Variants in TMEM232 observed in about 807,000 individuals in gnomAD.
The protein encoded by TMEM232 is transmembrane protein 232.
A neutral mutation model predicts 78.8 loss-of-function variants in TMEM232; 80 were observed. That is an observed-to-expected ratio of 1.01 (90% CI 0.85 to 1.22). The LOEUF is 1.22. TMEM232 is among the 50% of genes most tolerant of loss of function. The pLI is 0.00. For synonymous variants in TMEM232, 297 were observed against 254.3 expected (o/e 1.17, Z -1.60); for missense variants, 881 against 742.2 (o/e 1.19, Z -2.17).
At chr5:110,688,373 G>A (rs1249554033) in intron 1 of TMEM232, among the ~76,000 whole-genome samples, 1 of 152,160 alleles carries the variant, frequency 6.6e-6, no homozygotes, top group Admixed American at 6.5e-5. Context: ...GACAGTAAGT[G>A]TCATATGGGG....
intron 12 of TMEM232, among the ~76,000 whole-genome samples, chr5:110,461,654 G>A (rs1339048669): frequency 1.3e-5 from 2 of 152,146 alleles, no homozygotes; most frequent in African/African-American, 4.8e-5. Context: ...GTCAATGCTT[G>A]GCTTCAAAGT....
chr5:110,584,751 T>C (rs1229209509), intron 10 of TMEM232, among the ~76,000 whole-genome samples: 1 of 152,116 alleles, frequency 6.6e-6, no homozygotes, highest in African/African-American at 2.4e-5. Context: ...TTCTGAAGCA[T>C]GCTGAAGGAT....
chr5:110,391,523 A>C (rs1468744630), intron 3 of TMEM232, among the ~76,000 whole-genome samples: 1 of 152,168 alleles, frequency 6.6e-6, no homozygotes, highest in Non-Finnish European at 1.5e-5. Flanking sequence ...CAAATAATAT[A>C]AAGGGAATAG....
At chr5:110,563,910 G>T (rs573613637) in intron 11 of TMEM232, among the ~76,000 whole-genome samples, 1 of 152,032 alleles carries the variant, frequency 6.6e-6, no homozygotes, top group South Asian at 2.1e-4. Flanking sequence ...AAAATAACTG[G>T]AGAAAATGAT....
chr5:110,602,443 T>C (rs532068467), intron 10 of TMEM232, among the ~76,000 whole-genome samples: 89 of 151,450 alleles, frequency 5.9e-4, no homozygotes, highest in African/African-American at 2.9e-4. Context: ...CTGGAACAAA[T>C]TTACAAGAAA....
At chr5:110,535,697 G>T (rs1011556734) in intron 11 of TMEM232, among the ~76,000 whole-genome samples, 2 of 152,028 alleles carry the variant, frequency 1.3e-5, no homozygotes, top group African/African-American at 4.8e-5. Flanking sequence ...AATTACTAAG[G>T]GAGTTATGAA....
chr5:110,674,076 GC>G (rs1230883154), intron 1 of TMEM232, among the ~76,000 whole-genome samples: 11 of 150,244 alleles, frequency 7.3e-5, no homozygotes. Context: ...GAAAATGTAA[GC>G]ATTTAATTTT....
intron 3 of TMEM232, among the ~76,000 whole-genome samples, chr5:110,393,958 CA>C (rs201803686): frequency 0.037 from 2,246 of 60,758 alleles, 21 homozygotes; most frequent in African/African-American, 0.058. Context: ...AACTTCATCT[CA>C]AAAAAAAAAA....
chr5:110,509,069 T>C (rs1767374126), intron 12 of TMEM232, among the ~76,000 whole-genome samples: 1 of 147,216 alleles, frequency 6.8e-6, no homozygotes, highest in African/African-American at 2.5e-5. Context: ...TATATAATTA[T>C]ATATATTTTG....
chr5:110,696,040 T>A lies in TMEM232; in HGVS notation c.-12-28676A>T, dbSNP rs193271136. On this transcript the variant is annotated intron_variant, in intron 1 of 13. Coordinates refer to ENST00000455884, the MANE Select transcript of TMEM232 (RefSeq NM_001039763.4). ...GACCAATATTCCTGATGAACATTGA[T>A]GCAAAAATCCTCAATAAAATACTGG... Among the ~76,000 whole-genome samples the A allele has an allele frequency of 1.5e-4, 23 of 152,268 alleles. No homozygotes were observed. In the East Asian group the frequency reaches 4.2e-3, roughly 28 times the overall value.
At chr5:110,537,901 T>G (rs1336643146) in intron 11 of TMEM232, among the ~76,000 whole-genome samples, 1 of 152,226 alleles carries the variant, frequency 6.6e-6, no homozygotes. Flanking sequence ...AGCAACCTGT[T>G]GCACCCCCTT....
intron 11 of TMEM232, among the ~76,000 whole-genome samples, chr5:110,540,068 A>G (rs1234149936): frequency 6.6e-6 from 1 of 152,180 alleles, no homozygotes; most frequent in Non-Finnish European, 1.5e-5. Context: ...AATGAGAGAA[A>G]CCTTTGCCAA....
At chr5:110,619,161 A>AT (rs1783324204) in intron 7 of TMEM232, among the ~76,000 whole-genome samples, 1 of 152,132 alleles carries the variant, frequency 6.6e-6, no homozygotes, top group Non-Finnish European at 1.5e-5. Flanking sequence ...CACTCTCTGA[A>AT]TTTTTGCCAA....
chr5:110,461,764 G>A (rs1417579635), intron 12 of TMEM232, among the ~76,000 whole-genome samples: 1 of 152,112 alleles, frequency 6.6e-6, no homozygotes, highest in African/African-American at 2.4e-5. Context: ...GGGCCCTTGA[G>A]AATTATGCTA....
chr5:110,612,937 T>C (rs1330694927), intron 8 of TMEM232, among the ~76,000 whole-genome samples: 1 of 152,052 alleles, frequency 6.6e-6, no homozygotes, highest in East Asian at 1.9e-4. Flanking sequence ...GGGTGGAGCA[T>C]TGAGAGTATG....
chr5:110,419,398 A>G (rs1243217051), downstream of TMEM232, among the ~76,000 whole-genome samples: 1 of 152,188 alleles, frequency 6.6e-6, no homozygotes, highest in African/African-American at 2.4e-5. Flanking sequence ...TTAAACAAAG[A>G]ATGATACTTA....
intron 11 of TMEM232, among the ~76,000 whole-genome samples, chr5:110,563,952 G>A (rs2149668753): frequency 6.6e-6 from 1 of 152,004 alleles, no homozygotes; most frequent in Admixed American, 6.6e-5. Context: ...TACTCTTTAA[G>A]GATTGTTATT....
intron 10 of TMEM232, among the ~76,000 whole-genome samples, chr5:110,588,887 C>A (rs1285093600): frequency 6.6e-6 from 1 of 152,098 alleles, no homozygotes. Flanking sequence ...CATTCATTAT[C>A]TATTTCTAAA....
At chr5:110,403,672 T>C (rs1369504274) in intron 2 of TMEM232, among the ~76,000 whole-genome samples, 1 of 152,058 alleles carries the variant, frequency 6.6e-6, no homozygotes, top group South Asian at 2.1e-4. Flanking sequence ...GCTGATTAAG[T>C]CAAAATCTAG....
Sources: gnomAD v4.1 joint callset for allele counts (sites outside exome capture counted in the v4.1 genomes callset) on GRCh38, gnomAD v4.1.1 for gene constraint, MANE v1.5 for transcripts, NCBI Gene and HGNC (gene_info 2026-07-23, HGNC 2026-07-21) for gene names.